The following GABRG3 variants were observed in gnomAD, a reference collection of about 807,000 sequenced individuals.
The protein encoded by GABRG3 is gamma-aminobutyric acid type A receptor subunit gamma3, also known as gamma-aminobutyric acid receptor subunit gamma-3.
A neutral mutation model predicts 48.8 loss-of-function variants in GABRG3; 25 were observed. That is an observed-to-expected ratio of 0.51 (90% CI 0.37 to 0.72). The LOEUF is 0.72. Ranked by LOEUF, GABRG3 falls within the 30% of genes least tolerant of loss-of-function variation. The pLI is 0.00. For synonymous variants in GABRG3, 227 were observed against 217.6 expected, an observed-to-expected ratio of 1.04 and a Z score of -0.38; for missense variants, 394 against 577.9, an observed-to-expected ratio of 0.68 and a Z score of 3.26.
intron 6 of GABRG3, among the ~76,000 whole-genome samples, chr15:27,512,916 C>A (rs1019683977): frequency 3.3e-5 from 5 of 152,222 alleles, no homozygotes; most frequent in African/African-American, 1.2e-4. Flanking sequence ...TGCAGAGATT[C>A]CAAAGAAAGA....
chr15:27,166,142 A>C (rs549229610), intron 3 of GABRG3, among the ~76,000 whole-genome samples: 15 of 152,284 alleles, frequency 9.9e-5, no homozygotes, highest in African/African-American at 2.9e-4. Flanking sequence ...CTTTTATTTT[A>C]GAAGGAAGTT....
chr15:27,500,649 T>C (rs1890600686), intron 6 of GABRG3, among the ~76,000 whole-genome samples: 1 of 152,196 alleles, frequency 6.6e-6, no homozygotes, highest in Non-Finnish European at 1.5e-5. Flanking sequence ...CCTGCTAATT[T>C]AGTCCTAAAA....
chr15:27,435,974 CT>C (rs1888597017), intron 5 of GABRG3, among the ~76,000 whole-genome samples: 1 of 152,128 alleles, frequency 6.6e-6, no homozygotes, highest in African/African-American at 2.4e-5. Flanking sequence ...GGTGATGGGA[CT>C]TTGTTCAACT....
At chr15:27,280,403 G>C (rs990881858) in intron 3 of GABRG3, 2 of 152,294 alleles carry the variant, frequency 1.3e-5, no homozygotes, top group African/African-American at 4.8e-5. Context: ...GATCAGACTA[G>C]ATTGGAAATG....
rs999778979 is a variant in GABRG3 at position 27,228,717 on chromosome 15, G to A, written c.271-98092G>A. Among the ~76,000 whole-genome samples the A allele has an allele frequency of 5.9e-5, 9 of 152,050 alleles. 1 individual carries two copies. Among genetic ancestry groups the A allele is most frequent in the Admixed American group, 5.9e-4 (9 of 15,266 alleles). On this transcript the variant is annotated intron_variant, in intron 3 of 9. Coordinates refer to ENST00000615808, the MANE Select transcript of GABRG3 (RefSeq NM_033223.5). ...AGGGTTCCCTTTTCTCTGCAACCTT[G>A]CCAGTATCTGTCATTTTTCAACTTT... is the stretch of plus-strand genomic sequence containing the variant.
chr15:27,417,856 G>T (rs1244857084), intron 5 of GABRG3, among the ~76,000 whole-genome samples: 1 of 152,222 alleles, frequency 6.6e-6, no homozygotes, highest in Non-Finnish European at 1.5e-5. Context: ...GCTGTGGCAT[G>T]GGCTAAAGCC....
intron 6 of GABRG3, among the ~76,000 whole-genome samples, chr15:27,518,632 A>G (rs569934348): frequency 6.6e-6 from 1 of 152,146 alleles, no homozygotes; most frequent in Non-Finnish European, 1.5e-5. Context: ...TGCTGGGGAA[A>G]TAAAAAGAAG....
intron 3 of GABRG3, among the ~76,000 whole-genome samples, chr15:27,275,883 C>A (rs1392785849): frequency 6.6e-6 from 1 of 152,134 alleles, no homozygotes; most frequent in African/African-American, 2.4e-5. Context: ...ACAATGAGCA[C>A]AAGGAGGTGG....
chr15:27,201,424 AGACAGAG>A (rs1252768332), intron 3 of GABRG3, among the ~76,000 whole-genome samples: 1 of 151,516 alleles, frequency 6.6e-6, no homozygotes, highest in East Asian at 1.9e-4. Flanking sequence ...AAAGAGAAGA[AGACAGAG>A]GAGAGAGAAG....
At chr15:27,252,905 A>G (rs1890505156) in intron 3 of GABRG3, among the ~76,000 whole-genome samples, 1 of 152,198 alleles carries the variant, frequency 6.6e-6, no homozygotes, top group African/African-American at 2.4e-5. Context: ...GCTTTGTTGT[A>G]ATCTGGCCAT....
chr15:27,196,221 CTCT>C (rs1390971047), intron 3 of GABRG3, among the ~76,000 whole-genome samples: 1 of 152,116 alleles, frequency 6.6e-6, no homozygotes, highest in Non-Finnish European at 1.5e-5. Flanking sequence ...GTCTGATTTC[CTCT>C]TCTTATAAAT....
chr15:27,011,188 T>C (rs912262479), intron 2 of GABRG3, among the ~76,000 whole-genome samples: 1 of 152,164 alleles, frequency 6.6e-6, no homozygotes, highest in South Asian at 2.1e-4. Context: ...TTCTTATTCT[T>C]ACTTTAAATT....
intron 3 of GABRG3, among the ~76,000 whole-genome samples, chr15:27,321,663 A>C (rs1240988166): frequency 6.6e-6 from 1 of 152,214 alleles, no homozygotes; most frequent in Non-Finnish European, 1.5e-5. Flanking sequence ...CAAGCTAACG[A>C]GCTGAGGCCC....
chr15:27,328,866 C>T lies in GABRG3; in HGVS notation c.552C>T (p.Ser184=). 5.0e-6 allele frequency: 8 copies of T among 1,614,054 alleles called. No individual in the cohort carries two copies. Among genetic ancestry groups the T allele is most frequent in the Non-Finnish European group, 6.8e-6 (8 of 1,179,880 alleles). ...QLHNFPMDEH[S]CPLIFSSYGY... ...ACAACTTCCCCATGGACGAACACTC[C>T]TGCCCGCTGATTTTCTCCAGCTGTG... The change falls in exon 5 of 10, where the codon TCC becomes TCT. Residue 184 remains serine, a synonymous_variant. Transcript: ENST00000615808.
At chr15:27,197,486 AT>A (rs201880157) in intron 3 of GABRG3, among the ~76,000 whole-genome samples, 1 of 123,918 alleles carries the variant, frequency 8.1e-6, no homozygotes, top group African/African-American at 3.0e-5. Context: ...TTTTTTTTTT[AT>A]CATCAGTACC....
At chr15:27,335,631 C>A (rs907563238) in intron 5 of GABRG3, among the ~76,000 whole-genome samples, 2 of 151,842 alleles carry the variant, frequency 1.3e-5, no homozygotes, top group Non-Finnish European at 2.9e-5. Context: ...CTAGAGTAGG[C>A]AGATTCACAG....
chr15:27,525,589 C>T lies in GABRG3; in HGVS notation c.866-1844C>T, dbSNP rs535655540. ...TTGCCTACATCTGGAATACAGGCCA[C>T]TCATGACAACTGATGGACAAGGTCT... On this transcript the variant is annotated intron_variant, in intron 7 of 9. Transcript: ENST00000615808. Among the ~76,000 whole-genome samples the T allele has an allele frequency of 2.6e-5, 4 of 152,290 alleles. No individual in the cohort carries two copies. The South Asian group carries it at 8.3e-4, about 32-fold the overall frequency.
chr15:27,270,615 C>T (rs1240968640), intron 3 of GABRG3, among the ~76,000 whole-genome samples: 1 of 152,078 alleles, frequency 6.6e-6, no homozygotes, highest in African/African-American at 2.4e-5. Flanking sequence ...AGAGGTTGTT[C>T]CACGGGTACA....
At chr15:27,328,699 C>A in intron 4 of GABRG3, 107 bp from the exon 5 acceptor site, 3 of 805,768 alleles carry the variant, frequency 3.7e-6, no homozygotes, top group Non-Finnish European at 6.3e-6. Flanking sequence ...ACATGCTGCC[C>A]TGGGTGACGG....
Sources: gnomAD v4.1 joint callset for allele counts (sites outside exome capture counted in the v4.1 genomes callset) on GRCh38, gnomAD v4.1.1 for gene constraint, MANE v1.5 for transcripts, NCBI Gene and HGNC (gene_info 2026-07-23, HGNC 2026-07-21) for gene names.